The following NAT1 variants were observed in gnomAD, a reference collection of about 807,000 sequenced individuals.
The protein encoded by NAT1 is arylamine N-acetyltransferase 1.
For synonymous variants in NAT1, 144 were observed against 122.6 expected (o/e 1.17, Z -1.16); for missense variants, 400 against 339.2 (o/e 1.18, Z -1.41).
chr8:18,184,557 A>G (rs1589060442), intron 2 of NAT1, among the ~76,000 whole-genome samples: 2 of 152,260 alleles, frequency 1.3e-5, no homozygotes, highest in African/African-American at 4.8e-5. Flanking sequence ...AAGGTTGTTG[A>G]ATATGAGGTC....
chr8:18,171,141 G>A (rs1589042611), intron 2 of NAT1, among the ~76,000 whole-genome samples: 2 of 152,266 alleles, frequency 1.3e-5, no homozygotes, highest in African/African-American at 4.8e-5. Context: ...CCTACAGGGA[G>A]GCCTCAGTCT....
intron 2 of NAT1, 35 bp downstream of exon 2, chr8:18,219,524 T>C: frequency 1.6e-6 from 2 of 1,260,890 alleles, no homozygotes; most frequent in Non-Finnish European, 2.2e-6. Flanking sequence ...CTCAGTGGGC[T>C]TCCTAAGCAC....
upstream of NAT1, among the ~76,000 whole-genome samples, chr8:18,206,446 T>C (rs1803723795): frequency 6.6e-6 from 1 of 152,212 alleles, no homozygotes; most frequent in Admixed American, 6.5e-5. Context: ...ACTGTTAATG[T>C]GGGAAAAACT....
At chr8:18,171,790 A>AG (rs2117189891) in intron 2 of NAT1, among the ~76,000 whole-genome samples, 1 of 152,312 alleles carries the variant, frequency 6.6e-6, no homozygotes, top group South Asian at 2.1e-4. Context: ...TATTTCCTTT[A>AG]GGGACTGAAA....
chr8:18,195,847 T>A (rs1404739752), intron 2 of NAT1, among the ~76,000 whole-genome samples: 9 of 151,740 alleles, frequency 5.9e-5, no homozygotes, highest in Non-Finnish European at 1.3e-4. Context: ...CTGATGGGGA[T>A]CAGATCTTTT....
intron 2 of NAT1, among the ~76,000 whole-genome samples, chr8:18,186,830 C>A (rs1046938362): frequency 5.9e-5 from 9 of 152,030 alleles, no homozygotes; most frequent in Non-Finnish European, 1.3e-4. Context: ...TTTCGCACAG[C>A]AAAAGAAACT....
At chr8:18,196,831 T>C (rs1803254223) in intron 2 of NAT1, among the ~76,000 whole-genome samples, 1 of 152,176 alleles carries the variant, frequency 6.6e-6, no homozygotes. Flanking sequence ...TCAATAATAA[T>C]AAAAACTAGT....
chr8:18,170,893 C>T (rs1377266820), intron 2 of NAT1, among the ~76,000 whole-genome samples: 1 of 119,222 alleles, frequency 8.4e-6, no homozygotes, highest in Non-Finnish European at 1.9e-5. Flanking sequence ...TTCTCTCTCT[C>T]CTTTTTTTTT....
At chr8:18,184,049 G>T (rs575941473) in intron 2 of NAT1, among the ~76,000 whole-genome samples, 35 of 152,216 alleles carry the variant, frequency 2.3e-4, no homozygotes, top group African/African-American at 6.7e-4. Context: ...GGGGTGGTGG[G>T]GGGGTCCCTG....
In NAT1 at chr8:18,222,792, A is replaced by AATT. The variant is rs1805482371; in HGVS notation, c.747_748insTAT (p.Asn249_Thr250insTyr). The AATT allele has an allele frequency of 6.2e-7, 1 of 1,613,386 alleles. No individual in the cohort carries two copies. Among genetic ancestry groups the AATT allele is most frequent in the Non-Finnish European group, 8.5e-7 (1 of 1,179,850 alleles). On this transcript the variant is annotated inframe_insertion, in exon 3 of 3. Transcript: ENST00000307719. ...CCATAGGAGATTCAATTATAAGGACAATACAGATCTAATAGAGTTCAAGAC... is the reference window on the plus strand; with the variant it reads ...CCATAGGAGATTCAATTATAAGGACAATTATACAGATCTAATAGAGTTCAAGAC...
Position 18,204,167 on chromosome 8 carries a change from C to T in NAT1, n.93-5614C>T, listed in dbSNP as rs186254019. On this transcript the variant is annotated intron_variant and non_coding_transcript_variant, in intron 2 of 4. Transcript: ENST00000517441. ...TCCTTGACTTTTTGGATGTCTTTCT[C>T]TCTCTCTCTCTCTCTCTCGCAAAGA... 1.4e-3 allele frequency among the ~76,000 whole-genome samples: 205 copies of T among 151,616 alleles called. 1 individual carries two copies. Among genetic ancestry groups the T allele is most frequent in the Middle Eastern group, 3.4e-3 (1 of 292 alleles).
rs551910325 is a variant in NAT1 at position 18,183,493 on chromosome 8, T to C, written n.92+12754T>C. Among the ~76,000 whole-genome samples the C allele has an allele frequency of 3.9e-5, 6 of 152,302 alleles. No individual in the cohort carries two copies. In the East Asian group the frequency reaches 1.2e-3, roughly 29 times the overall value. Reference sequence around the variant, plus strand: ...GAATTAGGAGTTTGTAGGCAGATATTCAGAAGAAGCCGGCAGAAGAAGTTC... The same window carrying C: ...GAATTAGGAGTTTGTAGGCAGATATCCAGAAGAAGCCGGCAGAAGAAGTTC... On this transcript the variant is annotated intron_variant and non_coding_transcript_variant, in intron 2 of 4. Coordinates refer to the NAT1 transcript ENST00000517441.
upstream of NAT1, among the ~76,000 whole-genome samples, chr8:18,208,859 G>A (rs1457484511): frequency 2.0e-5 from 3 of 152,206 alleles, no homozygotes; most frequent in East Asian, 5.8e-4. Flanking sequence ...CCAAGTTCCA[G>A]TCCACTTCAC....
chr8:18,221,923 T>C, intron 2 of NAT1, 119 bp from the exon 3 acceptor site: 1 of 1,094,164 alleles, frequency 9.1e-7, no homozygotes, highest in Non-Finnish European at 1.3e-6. Context: ...GCACTAGAAA[T>C]AATTATTATA....
intron 1 of NAT1, chr8:18,212,313 C>G (rs944609836): frequency 2.6e-5 from 4 of 152,196 alleles, no homozygotes; most frequent in Non-Finnish European, 4.4e-5. Flanking sequence ...CAGAAAAACA[C>G]CAGCATTTTG....
intron 2 of NAT1, among the ~76,000 whole-genome samples, chr8:18,192,537 A>G (rs1332295817): frequency 6.6e-6 from 1 of 152,224 alleles, no homozygotes; most frequent in Non-Finnish European, 1.5e-5. Flanking sequence ...AGACACATGC[A>G]CACCTATGTT....
At chr8:18,184,233 C>T (rs1036239723) in intron 2 of NAT1, among the ~76,000 whole-genome samples, 3 of 152,188 alleles carry the variant, frequency 2.0e-5, no homozygotes, top group African/African-American at 4.8e-5. Flanking sequence ...ATTAGAACCA[C>T]ATAGATGCCT....
intron 2 of NAT1, among the ~76,000 whole-genome samples, chr8:18,200,622 C>A (rs1249913953): frequency 6.6e-6 from 1 of 152,068 alleles, no homozygotes; most frequent in Non-Finnish European, 1.5e-5. Flanking sequence ...AACCTGTACA[C>A]CAAACCCCTG....
rs1256680407 is a variant in NAT1, at chr8:18,211,702, C to A, written c.-86+1522C>A. On this transcript the variant is annotated intron_variant, in intron 1 of 2. Coordinates refer to ENST00000307719, the MANE Select transcript of NAT1 (RefSeq NM_000662.8). ...GGCTAGTCCAGCAACCCCTTTTCAT[C>A]CAGAGGCCCAGTGAGCTGGCTTAGG... 2.6e-5 allele frequency among the ~76,000 whole-genome samples: 4 copies of A among 152,132 alleles called. No homozygotes were observed. The East Asian group carries it at 7.7e-4, about 29-fold the overall frequency.
Sources: gnomAD v4.1 joint callset for allele counts (sites outside exome capture counted in the v4.1 genomes callset) on GRCh38, gnomAD v4.1.1 for gene constraint, MANE v1.5 for transcripts, NCBI Gene and HGNC (gene_info 2026-07-23, HGNC 2026-07-21) for gene names.